HECW1: variants seen among roughly 807,000 people sequenced by gnomAD.
The protein encoded by HECW1 is HECT, C2 and WW domain containing E3 ubiquitin protein ligase 1.
A neutral mutation model predicts 182.3 loss-of-function variants in HECW1; 61 were observed. The ratio of observed to expected loss-of-function variants is 0.33; its 90% confidence interval spans 0.27 to 0.41. The LOEUF (loss-of-function observed/expected upper bound fraction) is 0.41, where lower values mean the gene tolerates loss of function less well. Ranked by LOEUF, HECW1 falls within the 10% of genes least tolerant of loss-of-function variation. HECW1 has a pLI of 1.00. For synonymous variants in HECW1, 859 were observed against 832.6 expected, an observed-to-expected ratio of 1.03 and a Z score of -0.55; for missense variants, 1,739 against 2,108.9, an observed-to-expected ratio of 0.82 and a Z score of 3.44.
chr7:43,189,092 G>A (rs1159630980), intron 2 of HECW1, among the ~76,000 whole-genome samples: 2 of 152,156 alleles, frequency 1.3e-5, no homozygotes, highest in African/African-American at 4.8e-5. Flanking sequence ...AGGCAGTTGT[G>A]TGTTTGCCCA....
intron 13 of HECW1, among the ~76,000 whole-genome samples, chr7:43,461,371 G>T (rs2077576705): frequency 6.6e-6 from 1 of 152,236 alleles, no homozygotes; most frequent in South Asian, 2.1e-4. Context: ...AGTCAAGGTA[G>T]TTGAAGGGGA....
In HECW1 at chr7:43,356,350, C is replaced by T. The variant is rs183521726; in HGVS notation, c.461-4536C>T. On this transcript the variant is annotated intron_variant, in intron 5 of 29. Coordinates refer to ENST00000395891, the MANE Select transcript of HECW1 (RefSeq NM_015052.5). ...ATGATAAAGGGGTCAATTCAGCAAG[C>T]GGCTATGAAAATCTATGCATATCTA... Among the ~76,000 whole-genome samples, 7 of 152,168 alleles carry T rather than the reference C, an allele frequency of 4.6e-5. 1 individual carries two copies. In the South Asian group the frequency reaches 1.2e-3, roughly 27 times the overall value.
At chr7:43,539,876 T>C (rs921584719) in intron 24 of HECW1, among the ~76,000 whole-genome samples, 2 of 152,206 alleles carry the variant, frequency 1.3e-5, no homozygotes, top group African/African-American at 4.8e-5. Context: ...GGTTACTGTC[T>C]TGGAGACTGG....
intron 3 of HECW1, chr7:43,274,393 A>G (rs564882754): frequency 3.0e-5 from 19 of 634,738 alleles, no homozygotes; most frequent in South Asian, 2.5e-4. Context: ...AAAGAACTTC[A>G]GCGTCTGGCT....
intron 3 of HECW1, among the ~76,000 whole-genome samples, chr7:43,280,613 C>T (rs769632682): frequency 2.8e-4 from 43 of 152,154 alleles, no homozygotes; most frequent in Non-Finnish European, 5.1e-4. Context: ...ACTTAGAAGA[C>T]TTTTGAGAGG....
chr7:43,154,463 C>T (rs1425054866), intron 2 of HECW1, among the ~76,000 whole-genome samples: 2 of 152,140 alleles, frequency 1.3e-5, no homozygotes, highest in Admixed American at 1.3e-4. Context: ...TATTTGTCCC[C>T]TTTGCATTTC....
chr7:43,343,649 C>G (rs71664866), intron 5 of HECW1, among the ~76,000 whole-genome samples: 2 of 151,800 alleles, frequency 1.3e-5, no homozygotes, highest in Non-Finnish European at 2.9e-5. Context: ...GCCACATTTT[C>G]TTAATCCACT....
At chr7:43,368,780 G>C (rs1816952443) in intron 6 of HECW1, among the ~76,000 whole-genome samples, 1 of 152,176 alleles carries the variant, frequency 6.6e-6, no homozygotes. Flanking sequence ...TGGTTCAGCT[G>C]CCATAGTGTA....
chr7:43,243,862 G>C lies in HECW1; in HGVS notation c.-31-13G>C, dbSNP rs771127456. ...GATACACGCTAAGTTAACCTCGTTG[G>C]ACTTTTCCCCAGGAATTGATGCGCG... On this transcript the variant is annotated splice_polypyrimidine_tract_variant and intron_variant, in intron 2 of 29. Coordinates refer to ENST00000395891, the MANE Select transcript of HECW1 (RefSeq NM_015052.5). This position sits in a 1 kb window ranked among gnomAD's most constrained non-coding sequence, Gnocchi z 4.0. 2.5e-6 allele frequency: 4 copies of C among 1,608,462 alleles called. No homozygotes were observed. In the African/African-American group the frequency reaches 5.3e-5, roughly 22 times the overall value.
At chr7:43,151,574 G>T (rs1789330064) in intron 2 of HECW1, among the ~76,000 whole-genome samples, 1 of 152,186 alleles carries the variant, frequency 6.6e-6, no homozygotes, top group Non-Finnish European at 1.5e-5. Context: ...AAAGTAGGCT[G>T]CTTTGAAAAA....
intron 24 of HECW1, among the ~76,000 whole-genome samples, chr7:43,515,190 G>A (rs969568160): frequency 1.3e-5 from 2 of 152,206 alleles, no homozygotes; most frequent in East Asian, 3.8e-4. Context: ...TGTGGCCTCA[G>A]AAGAGAGAAA....
Position 43,563,667 on chromosome 7 carries a change from A to G in HECW1, c.*1741A>G. On this transcript the variant is annotated 3_prime_UTR_variant, in exon 30 of 30. Transcript: ENST00000395891. ...GGAGATCGCTTGAGGTCAGGAGTTC[A>G]AGACAAGCCTGGCCAACATGGTGAA... The G allele has an allele frequency of 5.6e-6, 1 of 177,058 alleles. No individual in the cohort carries two copies. The highest frequency in any genetic ancestry group is 1.2e-5 in the Non-Finnish European group (1 of 82,318). The allele number at this position is 177,058 out of a possible 1,614,324, so 11.0% of individuals were successfully genotyped here.
chr7:43,316,403 A>AT (rs1809257108), intron 4 of HECW1, among the ~76,000 whole-genome samples: 1 of 152,102 alleles, frequency 6.6e-6, no homozygotes. Context: ...AGAGGGCCCT[A>AT]TTTTTGGCCC....
chr7:43,192,514 T>G (rs1012077122), intron 2 of HECW1, among the ~76,000 whole-genome samples: 1 of 151,900 alleles, frequency 6.6e-6, no homozygotes, highest in African/African-American at 2.4e-5. Context: ...ACTAAATACG[T>G]AAAGATAAAC....
In HECW1 at chr7:43,354,389, C is replaced by T. The variant is rs547901893; in HGVS notation, c.461-6497C>T. On this transcript the variant is annotated intron_variant, in intron 5 of 29. Transcript: ENST00000395891. ...ACAACTGAAAAATAGCAGTTTTAAA[C>T]AAACTCAGCGATCTCCAAGATAAGA... Among the ~76,000 whole-genome samples the T allele has an allele frequency of 2.9e-4, 44 of 152,156 alleles. No homozygotes were observed. The South Asian group carries it at 5.2e-3, about 18-fold the overall frequency.
Position 43,114,275 on chromosome 7 carries a change from T to C in HECW1, c.-148T>C. On this transcript the variant is annotated 5_prime_UTR_variant, in exon 2 of 30. Coordinates refer to ENST00000395891, the MANE Select transcript of HECW1 (RefSeq NM_015052.5). ...ACGCGATTTAGGAGGGCAGATGCCC[T>C]ACCCGAAAAGGCCAACCGTTAAAGA... 1 of 1,363,600 alleles carries C rather than the reference T, an allele frequency of 7.3e-7. No homozygotes were observed. Among genetic ancestry groups the C allele is most frequent in the Non-Finnish European group, 9.7e-7 (1 of 1,034,456 alleles). 84.5% of individuals were successfully genotyped at this position (1,363,600 alleles called of 1,614,324 possible).
rs533889659 is a variant in HECW1 at position 43,160,976 on chromosome 7, A to AC, written c.-32+46585_-32+46586insC. ...TTTTATAACATCTCTCCATTTCTAC[A>AC]GGTTTTTTTTTTCTCCTTCTAAACC... On this transcript the variant is annotated intron_variant, in intron 2 of 29. Coordinates refer to ENST00000395891, the MANE Select transcript of HECW1 (RefSeq NM_015052.5). 2.8e-3 allele frequency among the ~76,000 whole-genome samples: 422 copies of AC among 149,906 alleles called. 3 individuals are homozygous for AC. Among genetic ancestry groups the AC allele is most frequent in the African/African-American group, 9.6e-3 (392 of 40,972 alleles).
chr7:43,533,424 C>A (rs1189771810), intron 24 of HECW1, among the ~76,000 whole-genome samples: 1 of 152,096 alleles, frequency 6.6e-6, no homozygotes, highest in Admixed American at 6.5e-5. Flanking sequence ...GTAGGCAATG[C>A]ATAGGTGAAT....
intron 2 of HECW1, among the ~76,000 whole-genome samples, chr7:43,202,826 C>T (rs2152690513): frequency 6.6e-6 from 1 of 152,316 alleles, no homozygotes; most frequent in South Asian, 2.1e-4. Flanking sequence ...TGATTCCTGC[C>T]TTGACTGATG....
Sources: gnomAD v4.1 joint callset for allele counts (sites outside exome capture counted in the v4.1 genomes callset) on GRCh38, gnomAD v4.1.1 for gene constraint, Gnocchi (gnomAD v3.1) non-coding constraint, MANE v1.5 for transcripts, NCBI Gene and HGNC (gene_info 2026-07-23, HGNC 2026-07-21) for gene names.